The following PGAM5 variants were observed in gnomAD, a reference collection of about 807,000 sequenced individuals.
PGAM5 encodes serine/threonine-protein phosphatase PGAM5, mitochondrial.
Under a neutral mutation model 30.6 loss-of-function variants are expected in PGAM5, and 25 were observed. The ratio of observed to expected loss-of-function variants is 0.82; its 90% CI spans 0.60 to 1.14. The LOEUF (loss-of-function observed/expected upper bound fraction) is 1.14, where lower values mean the gene tolerates loss of function less well. PGAM5 is among the 50% of genes most tolerant of loss of function. The pLI, the probability that PGAM5 is intolerant of heterozygous loss-of-function variation, is 0.00. For synonymous variants in PGAM5, 201 were observed against 179.1 expected, an observed-to-expected ratio of 1.12 and a Z score of -0.98; for missense variants, 384 against 408.5, an observed-to-expected ratio of 0.94 and a Z score of 0.52.
intron 5 of PGAM5, among the ~76,000 whole-genome samples, chr12:132,720,418 C>T (rs964272816): frequency 2.6e-5 from 4 of 151,836 alleles, no homozygotes; most frequent in African/African-American, 4.8e-5. Flanking sequence ...CGCCATTCTT[C>T]TGCCTCAGCC....
intron 5 of PGAM5, chr12:132,718,724 C>T (rs201952313): frequency 1.2e-6 from 2 of 1,610,472 alleles, no homozygotes; most frequent in African/African-American, 2.7e-5. Context: ...TCAAACTCGA[C>T]CAACCACCTT....
At position 132,715,019 on chromosome 12, in the gene PGAM5, G is replaced by T; in HGVS notation, c.353G>T (p.Arg118Leu). ...GTGGATGGCTCCCTGGAGAAGGACCGCACTCTGACCCCGCTGGGTATGTGG... is the reference window on the plus strand; with the variant it reads ...GTGGATGGCTCCCTGGAGAAGGACCTCACTCTGACCCCGCTGGGTATGTGG... ...YHVDGSLEKDRTLTPLGREQA... is the reference protein window; with the variant it reads ...YHVDGSLEKDLTLTPLGREQA... The change falls in exon 2 of 6, where the codon CGC (arginine) becomes CTC (leucine). Residue 118 changes from arginine to leucine, a missense_variant. By Grantham distance (102) the Arg-to-Leu change is moderately radical. Coordinates refer to ENST00000498926, the MANE Select transcript of PGAM5 (RefSeq NM_001170543.2). 1 of 1,612,054 alleles carries T rather than the reference G, an allele frequency of 6.2e-7. No homozygotes were observed. Among genetic ancestry groups the T allele is most frequent in the Non-Finnish European group, 8.5e-7 (1 of 1,179,428 alleles).
intron 5 of PGAM5, chr12:132,718,967 C>G: frequency 6.7e-7 from 1 of 1,487,118 alleles, no homozygotes; most frequent in East Asian, 2.4e-5. Context: ...CTCTGGTGCC[C>G]CACTCTCAGC....
At chr12:132,715,431 T>C (rs2043565905) in intron 2 of PGAM5, among the ~76,000 whole-genome samples, 1 of 150,616 alleles carries the variant, frequency 6.6e-6, no homozygotes, top group Admixed American at 6.6e-5. Flanking sequence ...ATTAGCCAGG[T>C]GCAGTGGTGG....
intron 1 of PGAM5, among the ~76,000 whole-genome samples, chr12:132,712,848 T>G (rs1220418114): frequency 6.6e-6 from 1 of 152,112 alleles, no homozygotes; most frequent in Non-Finnish European, 1.5e-5. Flanking sequence ...GGAAACAGAT[T>G]TACTCTGCCG....
At chr12:132,715,963 A>G (rs188434079) in intron 2 of PGAM5, among the ~76,000 whole-genome samples, 1 of 152,170 alleles carries the variant, frequency 6.6e-6, no homozygotes, top group African/African-American at 2.4e-5. Context: ...CCCAGCAGTG[A>G]TTTTATACCT....
At chr12:132,715,299 G>A (rs1057453636) in intron 2 of PGAM5, among the ~76,000 whole-genome samples, 10 of 152,172 alleles carry the variant, frequency 6.6e-5, no homozygotes, top group South Asian at 4.1e-4. Context: ...GGCCGGGCGC[G>A]GTGGCTCACG....
In PGAM5 at chr12:132,715,045, T is replaced by G; in HGVS notation, c.370+9T>G. 6.2e-7 allele frequency: 1 copy of G among 1,602,590 alleles called. No homozygotes were observed. The highest frequency in any genetic ancestry group is 8.5e-7 in the Non-Finnish European group (1 of 1,174,974). On this transcript the variant is annotated intron_variant, in intron 2 of 5. Transcript: ENST00000498926. Reference sequence around the variant, plus strand: ...CACTCTGACCCCGCTGGGTATGTGGTGGGTTCAGATCCTCTGTGGACCCTC... The same window carrying G: ...CACTCTGACCCCGCTGGGTATGTGGGGGGTTCAGATCCTCTGTGGACCCTC...
rs865780204 is a variant in PGAM5 at position 132,717,790 on chromosome 12, G to A, written c.577G>A (p.Glu193Lys). The A allele has an allele frequency of 6.3e-7, 1 of 1,586,218 alleles. No homozygotes were observed. The highest frequency in any genetic ancestry group is 2.3e-5 in the East Asian group (1 of 43,496). Reference protein sequence around the residue: ...PDPPVSHWKPEAVQYYEDGAR... With the variant: ...PDPPVSHWKPKAVQYYEDGAR... ...CCCGCCCGTGTCTCATTGGAAGCCGGAAGCTGTGGTAAAAACCTCCCCGGG... is the reference window on the plus strand; with the variant it reads ...CCCGCCCGTGTCTCATTGGAAGCCGAAAGCTGTGGTAAAAACCTCCCCGGG... Residue 193 changes from glutamate to lysine, a missense_variant, in exon 4 of 6, where the codon GAA (glutamate) becomes AAA (lysine). Physicochemically the swap from Glu to Lys is moderately conservative, Grantham distance 56 (BLOSUM62 1). Coordinates refer to ENST00000498926, the MANE Select transcript of PGAM5 (RefSeq NM_001170543.2).
At chr12:132,715,100 G>C in intron 2 of PGAM5, 64 bp downstream of exon 2, 1 of 1,471,272 alleles carries the variant, frequency 6.8e-7, no homozygotes, top group Non-Finnish European at 9.2e-7. Flanking sequence ...CATATCTGCT[G>C]GCGCCTTGGT....
At chr12:132,718,797 T>G in intron 5 of PGAM5, 1 of 1,613,634 alleles carries the variant, frequency 6.2e-7, no homozygotes, top group Non-Finnish European at 8.5e-7. Context: ...GATTTTGTGC[T>G]TCTGGGGTCC....
chr12:132,719,925 G>A (rs1044209206), intron 5 of PGAM5, among the ~76,000 whole-genome samples: 1 of 152,234 alleles, frequency 6.6e-6, no homozygotes, highest in Non-Finnish European at 1.5e-5. Flanking sequence ...TGCTTTCCCA[G>A]AAAGGGACCT....
rs2043657780 is a variant in PGAM5 at position 132,722,625 on chromosome 12, A to C, written c.*1797A>C. 6.6e-6 allele frequency: 1 copy of C among 152,200 alleles called. No homozygotes were observed. The highest frequency in any genetic ancestry group is 1.5e-5 in the Non-Finnish European group (1 of 68,030). 9.4% of individuals were successfully genotyped at this position (152,200 alleles called of 1,614,324 possible). On this transcript the variant is annotated 3_prime_UTR_variant, in exon 6 of 6. Transcript: ENST00000498926. ...AGGAAAAACAGTACAATTTCTATGA[A>C]GTGGTTGTGACTATTTTCTGTAGTC...
intron 2 of PGAM5, 100 bp from the exon 3 acceptor site, chr12:132,717,338 GT>G: frequency 4.4e-6 from 6 of 1,353,466 alleles, no homozygotes; most frequent in Non-Finnish European, 4.9e-6. Flanking sequence ...AGGAGGGGGT[GT>G]TTGAGGGTGG....
rs141928187 is a variant in PGAM5, at chr12:132,718,001, C to T, written c.600C>T (p.Asp200=). 261 of 1,612,744 alleles carry T rather than the reference C, an allele frequency of 1.6e-4. No individual in the cohort carries two copies. The African/African-American group carries it at 1.9e-3, about 11-fold the overall frequency. The stretch of plus-strand genomic sequence containing the variant: ...TCTGCCCCCAGCAGTATTACGAAGA[C>T]GGAGCCCGGATCGAGGCCGCCTTCC... ...WKPEAVQYYE[D]GARIEAAFRN... Residue 200 remains aspartate, a synonymous_variant, in exon 5 of 6, where the codon GAC becomes GAT. Transcript: ENST00000498926.
chr12:132,714,888 G>T lies in PGAM5; in HGVS notation c.222G>T (p.Arg74=), dbSNP rs763151992. The change falls in exon 2 of 6, where the codon CGG becomes CGT. Residue 74 remains arginine, a synonymous_variant. Coordinates refer to ENST00000498926, the MANE Select transcript of PGAM5 (RefSeq NM_001170543.2). ...RREPLSLINV[R]KRNVESGEEE... ...AACCACTGTCTCTGATCAACGTGCG[G>T]AAGAGGAACGTGGAATCTGGGGAAG... The T allele has an allele frequency of 1.9e-6, 3 of 1,613,752 alleles. No homozygotes were observed. The South Asian group carries it at 3.3e-5, about 18-fold the overall frequency.
Position 132,720,684 on chromosome 12 carries a change from G to A in PGAM5, c.726G>A (p.Leu242=), listed in dbSNP as rs2043635549. 1.3e-6 allele frequency: 2 copies of A among 1,535,822 alleles called. No homozygotes were observed. The highest frequency in any genetic ancestry group is 1.2e-5 in the South Asian group (1 of 84,000). Residue 242 remains leucine, a synonymous_variant, in exon 6 of 6, where the codon CTG becomes CTA. Transcript: ENST00000498926. The part of the protein sequence containing the change: ...NVIRYIVCRA[L]QFPPEGWLRL... ...TCTCTCTCTCTCTCCCCAGAGCACT[G>A]CAGTTTCCTCCTGAAGGCTGGCTCC...
chr12:132,714,297 G>C (rs940469799), intron 1 of PGAM5, among the ~76,000 whole-genome samples: 12 of 152,246 alleles, frequency 7.9e-5, no homozygotes, highest in African/African-American at 2.2e-4. Context: ...GATTACACGT[G>C]TGAGCCACTG....
intron 5 of PGAM5, 79 bp downstream of exon 5, chr12:132,718,199 C>A: frequency 1.3e-6 from 2 of 1,561,376 alleles, no homozygotes; most frequent in Admixed American, 1.8e-5. Flanking sequence ...CCGAGCGAGA[C>A]CCTCCTCCAC....
Sources: allele counts gnomAD v4.1 joint callset (sites outside exome capture counted in the v4.1 genomes callset), GRCh38; gene constraint gnomAD v4.1.1; transcripts MANE v1.5; gene names NCBI Gene and HGNC (gene_info 2026-07-23, HGNC 2026-07-21).